HIP1R: variants seen among roughly 807,000 people sequenced by gnomAD.
HIP1R encodes the protein huntingtin-interacting protein 1-related protein.
A neutral mutation model predicts 144.2 loss-of-function variants in HIP1R; 135 were observed. The observed-to-expected ratio is 0.94, with a 90% CI of 0.81 to 1.08. The LOEUF (loss-of-function observed/expected upper bound fraction) is 1.08. HIP1R is among the 50% of genes least tolerant of loss of function. The pLI is 0.00. For missense variants in HIP1R, 1,462 were observed against 1,432.8 expected, an observed-to-expected ratio of 1.02 and a Z score of -0.33; for synonymous variants, 698 against 612.8, an observed-to-expected ratio of 1.14 and a Z score of -2.05.
At chr12:122,834,895 C>T, upstream of HIP1R, 4 of 1,194,356 alleles carry the variant, frequency 3.3e-6, no homozygotes, top group Admixed American at 2.3e-5. Context: ...TTGACACATA[C>T]ATTAAGACCA....
At chr12:122,852,575 G>T (rs557411980) in intron 7 of HIP1R, among the ~76,000 whole-genome samples, 2 of 152,342 alleles carry the variant, frequency 1.3e-5, no homozygotes, top group Non-Finnish European at 2.9e-5. Context: ...CAAATGGGGT[G>T]TACCAGCATC....
intron 30 of HIP1R, 47 bp downstream of exon 30, chr12:122,861,239 C>T (rs201877460): frequency 1.2e-5 from 19 of 1,612,976 alleles, no homozygotes; most frequent in East Asian, 1.1e-4. Flanking sequence ...ATCCCTCGGG[C>T]GAAGCCTGGA....
At position 122,854,114 on chromosome 12, in the gene HIP1R, AT is replaced by A; in HGVS notation, c.650del (p.Ile217ThrfsTer88). On this transcript the variant is annotated frameshift_variant, in exon 8 of 32. Transcript: ENST00000253083. LOFTEE classifies it high-confidence loss of function. ...SSGQCRLAPL[I>X]QVIQDCSHLY... ...AGGCCAGTGCCGCCTGGCCCCCCTCATCCAGGTCATCCAGGACTGCAGCCAC... is the reference window on the plus strand; with the variant it reads ...AGGCCAGTGCCGCCTGGCCCCCCTCACCAGGTCATCCAGGACTGCAGCCAC... 1 of 1,613,642 alleles carries A rather than the reference AT, an allele frequency of 6.2e-7. No homozygotes were observed. The highest frequency in any genetic ancestry group is 8.5e-7 in the Non-Finnish European group (1 of 1,179,852).
In HIP1R at chr12:122,855,384, G is replaced by A; in HGVS notation, c.972G>A (p.Gly324=). 3 of 1,576,838 alleles carry A rather than the reference G, an allele frequency of 1.9e-6. No homozygotes were observed. In the South Asian group the frequency reaches 3.4e-5, roughly 18 times the overall value. Residue 324 remains glycine (G), a synonymous_variant, in exon 11 of 32, where the codon GGG becomes GGA. Transcript: ENST00000253083. Reference sequence around the variant, plus strand: ...AGAATCTCATTGAGATCAGCACAGGGCCCCCCGCGGGGGAGCCAGTGGTGA... The same window carrying A: ...AGAATCTCATTGAGATCAGCACAGGACCCCCCGCGGGGGAGCCAGTGGTGA... The part of the protein sequence containing the change: ...EPENLIEIST[G]PPAGEPVVVA...
At chr12:122,838,437 C>T (rs1229534486) in intron 1 of HIP1R, among the ~76,000 whole-genome samples, 1 of 152,072 alleles carries the variant, frequency 6.6e-6, no homozygotes, top group African/African-American at 2.4e-5. Flanking sequence ...AACCTGAACA[C>T]TGCCTGTACC....
rs2033607734 is a variant in HIP1R at position 122,857,124 on chromosome 12, GC to G, written c.1726del (p.Leu576TrpfsTer9). 4 of 1,550,442 alleles carry G rather than the reference GC, an allele frequency of 2.6e-6. No individual in the cohort carries two copies. The highest frequency in any genetic ancestry group is 3.5e-6 in the Non-Finnish European group (4 of 1,146,992). ...QREADLLAAQ[S>X]LVRETEAALS... ...GAGGCAGACCTGCTGGCGGCGCAGAGCCTGGTGCGCGAGACAGAGGCGGCGC... is the reference window on the plus strand; with the variant it reads ...GAGGCAGACCTGCTGGCGGCGCAGAGCTGGTGCGCGAGACAGAGGCGGCGC... On this transcript the variant is annotated frameshift_variant, in exon 18 of 32. Transcript: ENST00000253083. LOFTEE classifies it high-confidence loss of function.
chr12:122,843,004 A>G (rs1388211290), intron 1 of HIP1R, among the ~76,000 whole-genome samples: 3 of 152,100 alleles, frequency 2.0e-5, no homozygotes, highest in Non-Finnish European at 2.9e-5. Flanking sequence ...GCCCCAAGGG[A>G]TGGGGGTAGT....
rs927228860 is a variant in HIP1R at position 122,836,259 on chromosome 12, A to C, written c.93+616A>C. ...ATTTGCTGGGTGAAAAGCTTCTCGT[A>C]TGTCGCCAGACTTGTTTGCCCGAGC... On this transcript the variant is annotated intron_variant, in intron 1 of 31. Coordinates refer to ENST00000253083, the MANE Select transcript of HIP1R (RefSeq NM_003959.3). The surrounding 1 kb of genome is among the most constrained non-coding windows in gnomAD (Gnocchi z 4.1). Among the ~76,000 whole-genome samples, 1 of 152,100 alleles carries C rather than the reference A, an allele frequency of 6.6e-6. No homozygotes were observed. The highest frequency in any genetic ancestry group is 1.5e-5 in the Non-Finnish European group (1 of 68,008).
At chr12:122,845,190 A>G (rs56272219) in intron 1 of HIP1R, among the ~76,000 whole-genome samples, 16,371 of 152,134 alleles carry the variant, frequency 0.11, 1,118 homozygotes, top group East Asian at 0.23. Flanking sequence ...TCCGCAAGGG[A>G]GGGTCAGCAG....
intron 23 of HIP1R, 62 bp downstream of exon 23, chr12:122,859,598 ACT>A: frequency 6.9e-7 from 1 of 1,450,792 alleles, no homozygotes; most frequent in Non-Finnish European, 9.5e-7. Flanking sequence ...GGAGGCCCCA[ACT>A]GGGCTGGGTA....
chr12:122,849,652 G>C (rs561330156), intron 4 of HIP1R, among the ~76,000 whole-genome samples: 2 of 152,378 alleles, frequency 1.3e-5, no homozygotes, highest in African/African-American at 4.8e-5. Context: ...CTGCCGCCCT[G>C]GACAAAGAGC....
At chr12:122,848,407 G>A (rs1484510031) in intron 2 of HIP1R, 59 bp from the exon 3 acceptor site, 21 of 1,556,114 alleles carry the variant, frequency 1.3e-5, no homozygotes, top group Middle Eastern at 1.7e-4. Context: ...TCTCTCAGCC[G>A]GGTTTGCTGA....
At position 122,854,340 on chromosome 12, in the gene HIP1R, GAAA is replaced by G. The variant is rs5801492; in HGVS notation, c.718+173_718+175del. Among the ~76,000 whole-genome samples the G allele has an allele frequency of 3.8e-3, 494 of 128,568 alleles. 2 individuals are homozygous for G. The highest frequency in any genetic ancestry group is 0.014 in the African/African-American group (476 of 34,536). The allele number at this position is 128,568 out of a possible 152,430, so 84.3% of individuals were successfully genotyped here. A position where few individuals can be genotyped will look rare whatever the true frequency, so the allele number is the denominator to read the frequency against. ...TTAATAGAAATAACATATATTTTAT[GAAA>G]AAAAAAAAAAAAAAACCCACTACTT... On this transcript the variant is annotated intron_variant, in intron 8 of 31. Coordinates refer to ENST00000253083, the MANE Select transcript of HIP1R (RefSeq NM_003959.3).
chr12:122,855,933 GC>G, intron 13 of HIP1R, 30 bp downstream of exon 13: 1 of 1,565,920 alleles, frequency 6.4e-7, no homozygotes, highest in Non-Finnish European at 8.7e-7. Context: ...GGGGGCCAGG[GC>G]CCCTCACGGC....
intron 1 of HIP1R, 147 bp downstream of exon 1, chr12:122,835,790 G>C: frequency 4.9e-6 from 2 of 407,822 alleles, no homozygotes; most frequent in Non-Finnish European, 6.6e-6. Context: ...GTGTCCGCCC[G>C]GGCTCTCCGA....
chr12:122,855,780 T>C, intron 12 of HIP1R, 51 bp from the exon 13 acceptor site: 1 of 1,540,402 alleles, frequency 6.5e-7, no homozygotes. Flanking sequence ...GTGCTGGGTC[T>C]GTTGACTGTT....
In HIP1R at chr12:122,860,898, T is replaced by C. The variant is rs1358197981; in HGVS notation, c.2767-18T>C. 9 of 1,605,824 alleles carry C rather than the reference T, an allele frequency of 5.6e-6. No homozygotes were observed. Among genetic ancestry groups the C allele is most frequent in the Non-Finnish European group, 7.6e-6 (9 of 1,176,608 alleles). ...TGAGCTGGGAGACCTGGGCCCACCC[T>C]GACCTCTCGCCCCTCAGGTGAAGGC... On this transcript the variant is annotated intron_variant, in intron 28 of 31. Coordinates refer to ENST00000253083, the MANE Select transcript of HIP1R (RefSeq NM_003959.3).
At chr12:122,839,769 A>C (rs1195038788) in intron 1 of HIP1R, among the ~76,000 whole-genome samples, 2 of 152,254 alleles carry the variant, frequency 1.3e-5, no homozygotes, top group Non-Finnish European at 2.9e-5. Flanking sequence ...TGTAATTGCC[A>C]CAAAAATTAT....
Position 122,860,931 on chromosome 12 carries a change from C to T in HIP1R, c.2782C>T (p.His928Tyr). 1 of 1,612,422 alleles carries T rather than the reference C, an allele frequency of 6.2e-7. No individual in the cohort carries two copies. Among genetic ancestry groups the T allele is most frequent in the East Asian group, 2.2e-5 (1 of 44,786 alleles). Residue 928 changes from histidine to tyrosine, a missense_variant, in exon 29 of 32, where the codon CAC becomes TAC. Coordinates refer to ENST00000253083, the MANE Select transcript of HIP1R (RefSeq NM_003959.3). ...VAASKVKANK[H>Y]SPHLSRLQEC... is the part of the protein sequence containing the mutation. ...CGCCCCTCAGGTGAAGGCCAACAAGCACAGCCCCCACCTGAGCCGCCTGCA... is the reference window on the plus strand; with the variant it reads ...CGCCCCTCAGGTGAAGGCCAACAAGTACAGCCCCCACCTGAGCCGCCTGCA...
Sources: allele counts gnomAD v4.1 joint callset (sites outside exome capture counted in the v4.1 genomes callset), GRCh38; gene constraint gnomAD v4.1.1; non-coding constraint Gnocchi (gnomAD v3.1); transcripts MANE v1.5; gene names NCBI Gene and HGNC (gene_info 2026-07-23, HGNC 2026-07-21).